The following NUMB variants were observed in gnomAD, a reference collection of about 807,000 sequenced individuals.
NUMB encodes the protein NUMB endocytic adaptor protein.
Under a neutral mutation model 59.7 loss-of-function variants are expected in NUMB, and 29 were observed. That is an observed-to-expected ratio of 0.49 (90% CI 0.36 to 0.66). The LOEUF (loss-of-function observed/expected upper bound fraction) is 0.66, where lower values mean the gene tolerates loss of function less well. Among genes scored for constraint, NUMB ranks in the 30% least tolerant of loss-of-function variants. The probability of loss-of-function intolerance (pLI) is 0.00; values close to 1 mark genes in which losing one functional copy is unlikely to be tolerated. For missense variants in NUMB, 723 were observed against 822.0 expected (o/e 0.88, Z 1.47); for synonymous variants, 288 against 288.2 (o/e 1.00, Z 0.01).
chr14:73,292,779 G>A lies in NUMB; in HGVS notation c.405C>T (p.Thr135=), dbSNP rs755125675. 1 of 1,614,204 alleles carries A rather than the reference G, an allele frequency of 6.2e-7. No homozygotes were observed. Among genetic ancestry groups the A allele is most frequent in the African/African-American group, 1.3e-5 (1 of 75,044 alleles). Residue 135 remains threonine (T), a synonymous_variant, in exon 8 of 13, where the codon ACC becomes ACT. Coordinates refer to ENST00000555238, the MANE Select transcript of NUMB (RefSeq NM_001005743.2). ...RAFSYICRDG[T]TRRWICHCFM... is the part of the protein sequence containing the mutation. ...AGCAGTGACAGATCCAGCGACGAGT[G>A]GTGCCATCACGGCATATGTAAGAAA...
At chr14:73,283,002 C>G (rs1339836439) in intron 10 of NUMB, among the ~76,000 whole-genome samples, 1 of 152,170 alleles carries the variant, frequency 6.6e-6, no homozygotes, top group Non-Finnish European at 1.5e-5. Flanking sequence ...ACAATGTCAT[C>G]AATCTCATTT....
At chr14:73,283,580 T>C (rs1888782351) in intron 10 of NUMB, among the ~76,000 whole-genome samples, 1 of 152,248 alleles carries the variant, frequency 6.6e-6, no homozygotes, top group Non-Finnish European at 1.5e-5. Flanking sequence ...GTCCACTGTC[T>C]GTGATGAACA....
chr14:73,402,360 A>T (rs1896459302), intron 2 of NUMB, among the ~76,000 whole-genome samples: 2 of 152,176 alleles, frequency 1.3e-5, no homozygotes, highest in Non-Finnish European at 2.9e-5. Context: ...AATAACTAAA[A>T]ATAGCAGGAG....
chr14:73,358,271 C>A (rs1893917546), intron 3 of NUMB, among the ~76,000 whole-genome samples: 1 of 152,208 alleles, frequency 6.6e-6, no homozygotes, highest in Non-Finnish European at 1.5e-5. Flanking sequence ...AGAGCTCCAT[C>A]CCAATATGTT....
intron 12 of NUMB, among the ~76,000 whole-genome samples, chr14:73,278,244 G>A (rs1368184388): frequency 2.0e-5 from 3 of 152,134 alleles, no homozygotes; most frequent in South Asian, 2.1e-4. Flanking sequence ...TTTTGAGGCC[G>A]GGTGTGGTGG....
At chr14:73,394,713 C>G (rs1398272045) in intron 2 of NUMB, among the ~76,000 whole-genome samples, 1 of 152,178 alleles carries the variant, frequency 6.6e-6, no homozygotes, top group Non-Finnish European at 1.5e-5. Flanking sequence ...TCCTGGCAAC[C>G]ATCATTCTAC....
intron 2 of NUMB, among the ~76,000 whole-genome samples, chr14:73,391,443 C>T (rs1895848585): frequency 6.6e-6 from 1 of 151,928 alleles, no homozygotes; most frequent in Non-Finnish European, 1.5e-5. Flanking sequence ...TTTTCAGTTG[C>T]ATCTGTCAGG....
At chr14:73,335,811 A>T (rs1892279187) in intron 4 of NUMB, among the ~76,000 whole-genome samples, 1 of 152,260 alleles carries the variant, frequency 6.6e-6, no homozygotes, top group Non-Finnish European at 1.5e-5. Flanking sequence ...TCAAGTTATA[A>T]GGAGCTTTAC....
intron 2 of NUMB, among the ~76,000 whole-genome samples, chr14:73,373,484 T>A (rs1894802075): frequency 6.6e-6 from 1 of 152,200 alleles, no homozygotes; most frequent in Non-Finnish European, 1.5e-5. Context: ...TTCTTGGTGC[T>A]TAGGATACTT....
At chr14:73,309,391 G>A (rs528825994) in intron 6 of NUMB, among the ~76,000 whole-genome samples, 23 of 152,194 alleles carry the variant, frequency 1.5e-4, no homozygotes, top group Admixed American at 8.5e-4. Flanking sequence ...CTATGCAGCC[G>A]TAAAAAAGAA....
At chr14:73,413,148 G>C (rs1002261302) in intron 1 of NUMB, among the ~76,000 whole-genome samples, 23 of 151,654 alleles carry the variant, frequency 1.5e-4, no homozygotes, top group Non-Finnish European at 3.1e-4. Flanking sequence ...GCAGTGGCGT[G>C]ATCTCGGCTC....
Position 73,353,724 on chromosome 14 carries a change from A to G in NUMB, c.126+1902T>C, listed in dbSNP as rs1013672950. 2.6e-5 allele frequency among the ~76,000 whole-genome samples: 4 copies of G among 151,642 alleles called. No individual in the cohort carries two copies. In the East Asian group the frequency reaches 7.7e-4, roughly 29 times the overall value. ...TCCATCTCAAAATAAAAAAATAAATAAATGAATAAAATCTTAATAGATATT... is the reference window on the plus strand; with the variant it reads ...TCCATCTCAAAATAAAAAAATAAATGAATGAATAAAATCTTAATAGATATT... On this transcript the variant is annotated intron_variant, in intron 4 of 12. Coordinates refer to ENST00000555238, the MANE Select transcript of NUMB (RefSeq NM_001005743.2).
At chr14:73,320,876 A>AG (rs1453674251) in intron 5 of NUMB, among the ~76,000 whole-genome samples, 1 of 151,780 alleles carries the variant, frequency 6.6e-6, no homozygotes, top group Non-Finnish European at 1.5e-5. Context: ...TTTAAAAAAA[A>AG]AAAAGGTAAA....
rs771118371 is a variant in NUMB at position 73,411,675 on chromosome 14, G to C, written c.-232-1607C>G. On this transcript the variant is annotated intron_variant, in intron 1 of 12. Coordinates refer to ENST00000555238, the MANE Select transcript of NUMB (RefSeq NM_001005743.2). ...CTAATAAATAGCAGGTATCAATAAAGTTTATTAGAAAAAATAACGGAATAA... is the reference window on the plus strand; with the variant it reads ...CTAATAAATAGCAGGTATCAATAAACTTTATTAGAAAAAATAACGGAATAA... 3.3e-4 allele frequency among the ~76,000 whole-genome samples: 50 copies of C among 152,060 alleles called. 1 individual carries two copies. Among genetic ancestry groups the C allele is most frequent in the Admixed American group, 1.2e-3 (19 of 15,256 alleles).
intron 12 of NUMB, among the ~76,000 whole-genome samples, chr14:73,277,580 C>A (rs951091386): frequency 2.7e-4 from 41 of 152,134 alleles, no homozygotes; most frequent in African/African-American, 9.4e-4. Context: ...AGAAACCCCT[C>A]GCTGTTGCTA....
intron 1 of NUMB, among the ~76,000 whole-genome samples, chr14:73,424,451 A>G (rs1897495694): frequency 6.6e-6 from 1 of 152,198 alleles, no homozygotes. Context: ...TGCCGTAACT[A>G]AAGTGCTTCT....
chr14:73,303,773 A>C (rs1487921079), intron 6 of NUMB, among the ~76,000 whole-genome samples: 1 of 108,274 alleles, frequency 9.2e-6, no homozygotes, highest in African/African-American at 4.1e-5. Context: ...AAGTTTCACA[A>C]TAAAGACAAA....
At chr14:73,446,496 C>T (rs1027735033) in intron 1 of NUMB, among the ~76,000 whole-genome samples, 1 of 151,696 alleles carries the variant, frequency 6.6e-6, no homozygotes, top group Non-Finnish European at 1.5e-5. Context: ...ATCCCAGCTA[C>T]TCAGGAGGCT....
intron 6 of NUMB, among the ~76,000 whole-genome samples, chr14:73,308,020 A>G (rs1182557363): frequency 6.6e-6 from 1 of 152,086 alleles, no homozygotes; most frequent in Non-Finnish European, 1.5e-5. Context: ...GGCGTGAGCC[A>G]CCGCGCCCGG....
Sources: gnomAD v4.1 joint callset for allele counts (sites outside exome capture counted in the v4.1 genomes callset) on GRCh38, gnomAD v4.1.1 for gene constraint, MANE v1.5 for transcripts, NCBI Gene and HGNC (gene_info 2026-07-23, HGNC 2026-07-21) for gene names.